The following FREM2 variants were observed in gnomAD, a reference collection of about 807,000 sequenced individuals.
The protein encoded by FREM2 is FRAS1-related extracellular matrix protein 2.
In FREM2, 119 loss-of-function variants were observed where a neutral mutation model predicts 219.9. That is an observed-to-expected ratio of 0.54 (90% CI 0.47 to 0.63). The LOEUF (loss-of-function observed/expected upper bound fraction) is 0.63. FREM2 is among the 30% of genes least tolerant of loss of function. The pLI, the probability that FREM2 is intolerant of heterozygous loss-of-function variation, is 0.00. For synonymous variants in FREM2, 1,562 were observed against 1,522.8 expected, an observed-to-expected ratio of 1.03 and a Z score of -0.60; for missense variants, 4,030 against 3,993.6, an observed-to-expected ratio of 1.01 and a Z score of -0.25.
chr13:38,821,679 G>A (rs752154225), intron 6 of FREM2: 2 of 152,048 alleles, frequency 1.3e-5, no homozygotes, highest in South Asian at 2.1e-4. Flanking sequence ...GATGCTGTGC[G>A]AGGGTAGAGG....
chr13:38,713,350 G>A (rs985918535), intron 2 of FREM2, among the ~76,000 whole-genome samples: 4 of 152,146 alleles, frequency 2.6e-5, no homozygotes, highest in East Asian at 1.9e-4. Flanking sequence ...AAAACATAAC[G>A]TAGCAGTGTC....
At chr13:38,785,218 G>A (rs1874279378) in intron 6 of FREM2, among the ~76,000 whole-genome samples, 1 of 152,064 alleles carries the variant, frequency 6.6e-6, no homozygotes, top group African/African-American at 2.4e-5. Flanking sequence ...AACCTGTCGG[G>A]CAAGGCTGTT....
At chr13:38,719,069 G>T (rs993308628) in intron 2 of FREM2, among the ~76,000 whole-genome samples, 2 of 152,180 alleles carry the variant, frequency 1.3e-5, no homozygotes, top group Non-Finnish European at 2.9e-5. Flanking sequence ...TTCCAATTGA[G>T]TCTAAGGTTA....
intron 2 of FREM2, among the ~76,000 whole-genome samples, chr13:38,734,089 T>C (rs1358839576): frequency 6.6e-6 from 1 of 152,044 alleles, no homozygotes; most frequent in Admixed American, 6.5e-5. Flanking sequence ...AACTGTATTC[T>C]TATTTAAGAA....
chr13:38,878,982 GC>G lies in FREM2; in HGVS notation c.9006+7del, dbSNP rs769922755. On this transcript the variant is annotated splice_donor_region_variant and intron_variant, in intron 23 of 23. Coordinates refer to ENST00000280481, the MANE Select transcript of FREM2 (RefSeq NM_207361.6). Reference sequence around the variant, plus strand: ...GACTCAACACCACTCTTTCAGGTAGGCCAAAAACAAGCTCATTTGTAGTAGT... The same window carrying G: ...GACTCAACACCACTCTTTCAGGTAGGCAAAAACAAGCTCATTTGTAGTAGT... 2 of 1,614,056 alleles carry G rather than the reference GC, an allele frequency of 1.2e-6. No homozygotes were observed.
intron 6 of FREM2, among the ~76,000 whole-genome samples, chr13:38,807,947 G>A (rs985781427): frequency 6.6e-6 from 1 of 151,756 alleles, no homozygotes; most frequent in Non-Finnish European, 1.5e-5. Context: ...ATTTGGCTAC[G>A]AAAGTCCTAG....
chr13:38,802,981 C>T (rs777595984), intron 6 of FREM2, among the ~76,000 whole-genome samples: 14 of 152,136 alleles, frequency 9.2e-5, no homozygotes, highest in Non-Finnish European at 1.3e-4. Context: ...TCCTTCTTTG[C>T]TTTTGGTGCT....
In FREM2 at chr13:38,687,895, G is replaced by A; in HGVS notation, c.551G>A (p.Arg184Gln). The change falls in exon 1 of 24, where the codon CGG becomes CAG. Residue 184 changes from arginine to glutamine, a missense_variant. By Grantham distance (43) the Arg-to-Gln change is conservative. Coordinates refer to ENST00000280481, the MANE Select transcript of FREM2 (RefSeq NM_207361.6). The part of the protein sequence containing the change: ...VVFTQLEVVT[R>Q]NLPLVVEELL... The stretch of plus-strand genomic sequence containing the variant: ...TTCACCCAGCTGGAGGTTGTGACTC[G>A]GAACTTGCCTCTGGTCGTGGAAGAG... 2 of 1,586,904 alleles carry A rather than the reference G, an allele frequency of 1.3e-6. No homozygotes were observed. Among genetic ancestry groups the A allele is most frequent in the Non-Finnish European group, 1.7e-6 (2 of 1,164,486 alleles).
chr13:38,742,392 T>C (rs1227776908), intron 2 of FREM2, among the ~76,000 whole-genome samples: 3 of 152,146 alleles, frequency 2.0e-5, no homozygotes, highest in Non-Finnish European at 2.9e-5. Context: ...AGAAAACATA[T>C]GGAAATGTGA....
In FREM2 at chr13:38,880,777, C is replaced by T; in HGVS notation, c.9500C>T (p.Ser3167Leu). The T allele has an allele frequency of 1.9e-6, 3 of 1,614,122 alleles. No homozygotes were observed. Among genetic ancestry groups the T allele is most frequent in the Non-Finnish European group, 2.5e-6 (3 of 1,180,028 alleles). The part of the protein sequence containing the change: ...VPPQSHHNDS[S>L]EV ...CCACAGAGCCATCACAATGACAGCT[C>T]AGAAGTTTGATGACTGCAGGTAGAA... The change falls in exon 24 of 24, where the codon TCA (serine) becomes TTA (leucine). Residue 3167 changes from serine to leucine, a missense_variant. Ser to Leu is a moderately radical substitution (Grantham distance 145). This residue lies in a region of FREM2 where 928 missense variants were observed against 1,042.9 expected (regional missense o/e 0.89). Transcript: ENST00000280481.
intron 6 of FREM2, among the ~76,000 whole-genome samples, chr13:38,823,665 CCAATAATTAAAA>C (rs1247947356): frequency 6.6e-6 from 1 of 151,922 alleles, no homozygotes; most frequent in African/African-American, 2.4e-5. Flanking sequence ...AATTCAGCTG[CCAATAATTAAAA>C]TAATAATAAT....
At chr13:38,858,104 C>G in intron 13 of FREM2, 71 bp downstream of exon 13, 1 of 1,311,302 alleles carries the variant, frequency 7.6e-7, no homozygotes, top group Admixed American at 1.7e-5. Flanking sequence ...ATCAATATAG[C>G]ATTGGCTTTG....
intron 2 of FREM2, among the ~76,000 whole-genome samples, chr13:38,718,396 G>A (rs1222029028): frequency 2.0e-5 from 3 of 152,132 alleles, no homozygotes; most frequent in Non-Finnish European, 2.9e-5. Context: ...AGGTGAAATC[G>A]AGCTGCATTC....
intron 6 of FREM2, among the ~76,000 whole-genome samples, chr13:38,843,761 G>T (rs1213429178): frequency 1.3e-5 from 2 of 152,100 alleles, no homozygotes; most frequent in Non-Finnish European, 2.9e-5. Flanking sequence ...ATTTTGAAAA[G>T]ATGCTGAGAA....
chr13:38,834,903 G>A (rs9594300), intron 6 of FREM2, among the ~76,000 whole-genome samples: 14,676 of 152,178 alleles, frequency 0.096, 1,523 homozygotes, highest in African/African-American at 0.26. Flanking sequence ...TAGGTTGCCT[G>A]TTCACTCTGA....
intron 6 of FREM2, among the ~76,000 whole-genome samples, chr13:38,836,936 T>C (rs1450436538): frequency 1.3e-5 from 2 of 152,190 alleles, no homozygotes; most frequent in African/African-American, 4.8e-5. Context: ...TTTTTGCGTC[T>C]CTACTTCAGT....
At chr13:38,696,113 G>A (rs962925785) in intron 1 of FREM2, among the ~76,000 whole-genome samples, 7 of 152,142 alleles carry the variant, frequency 4.6e-5, no homozygotes, top group Non-Finnish European at 7.4e-5. Flanking sequence ...GGGCGACATA[G>A]TGAGACCCAC....
rs752819593 is a variant in FREM2, at chr13:38,689,516, G to T, written c.2172G>T (p.Lys724Asn). 17 of 1,614,068 alleles carry T rather than the reference G, an allele frequency of 1.1e-5. 1 individual carries two copies. The South Asian group carries it at 1.8e-4, about 17-fold the overall frequency. ...CCCAGCTCACACCACTGAGGAAGAAGTGGCTGCGCTACACTGACCTGGACA... is the reference window on the plus strand; with the variant it reads ...CCCAGCTCACACCACTGAGGAAGAATTGGCTGCGCTACACTGACCTGGACA... ...QESQLTPLRK[K>N]WLRYTDLDTD... is the part of the protein sequence containing the mutation. Residue 724 changes from lysine (K) to asparagine (N), a missense_variant, in exon 1 of 24, where the codon AAG becomes AAT. Lys to Asn is a moderately conservative substitution (Grantham distance 94, BLOSUM62 0). Transcript: ENST00000280481.
At chr13:38,710,772 C>T (rs939730126) in intron 2 of FREM2, among the ~76,000 whole-genome samples, 1 of 152,144 alleles carries the variant, frequency 6.6e-6, no homozygotes, top group Admixed American at 6.5e-5. Flanking sequence ...TGTGGAGTAA[C>T]TTCAGAAGTC....
Sources: allele counts gnomAD v4.1 joint callset (sites outside exome capture counted in the v4.1 genomes callset), GRCh38; gene constraint gnomAD v4.1.1; regional missense constraint gnomAD v4.1.1; transcripts MANE v1.5; gene names NCBI Gene and HGNC (gene_info 2026-07-23, HGNC 2026-07-21).